Variants in ZBBX observed in about 807,000 individuals in gnomAD.
ZBBX encodes the protein zinc finger B-box domain-containing protein 1.
Under a neutral mutation model 108.5 loss-of-function variants are expected in ZBBX, and 101 were observed. The observed-to-expected ratio is 0.93, with a 90% CI of 0.79 to 1.10. The LOEUF is 1.10. Ranked by LOEUF, ZBBX falls within the 50% of genes least tolerant of loss-of-function variation. The pLI is 0.00. For synonymous variants in ZBBX, 356 were observed against 323.4 expected (o/e 1.10, Z -1.08); for missense variants, 1,009 against 941.4 (o/e 1.07, Z -0.94).
intron 8 of ZBBX, among the ~76,000 whole-genome samples, chr3:167,356,237 A>G (rs1743550955): frequency 6.6e-6 from 1 of 152,110 alleles, no homozygotes; most frequent in Non-Finnish European, 1.5e-5. Flanking sequence ...ATTTTTACAA[A>G]TTTCTGGACA....
chr3:167,401,222 T>TA (rs1351222184), intron 1 of ZBBX: 2 of 152,168 alleles, frequency 1.3e-5, no homozygotes, highest in Non-Finnish European at 2.9e-5. Flanking sequence ...AGAATTTTAA[T>TA]AAAAAACTTC....
intron 20 of ZBBX, among the ~76,000 whole-genome samples, chr3:167,280,243 C>T (rs1728532647): frequency 6.7e-6 from 1 of 149,924 alleles, no homozygotes; most frequent in South Asian, 2.1e-4. Context: ...CCAAAATTGA[C>T]AAACGGGATC....
At chr3:167,319,108 A>T (rs1735956352) in intron 12 of ZBBX, among the ~76,000 whole-genome samples, 2 of 151,986 alleles carry the variant, frequency 1.3e-5, no homozygotes, top group South Asian at 4.1e-4. Context: ...CCAGGTATTT[A>T]CCCAGGGAAT....
rs1405856410 is a variant in ZBBX at position 167,322,204 on chromosome 3, A to G, written c.896T>C (p.Leu299Pro). 3 of 1,481,926 alleles carry G rather than the reference A, an allele frequency of 2.0e-6. No homozygotes were observed. The Admixed American group carries it at 6.6e-5, about 33-fold the overall frequency. The allele number at this position is 1,481,926 out of a possible 1,614,324, so 91.8% of individuals were successfully genotyped here. ...ATTAAGTGGTTCTCTCCAAATTTTC[A>G]GATTAGTCTGTACTTCGCATTCTTC... ...SLEECEVQTN[L>P]KIWREPLNIE... The change falls in exon 12 of 22, where the codon CTG becomes CCG. Residue 299 changes from leucine to proline, a missense_variant. Transcript: ENST00000675490.
At chr3:167,388,389 C>T (rs925653292) in intron 1 of ZBBX, among the ~76,000 whole-genome samples, 5 of 151,796 alleles carry the variant, frequency 3.3e-5, no homozygotes, top group African/African-American at 1.2e-4. Flanking sequence ...TACGAACAGG[C>T]TTTAAACAGA....
chr3:167,370,264 T>C (rs1018922438), intron 4 of ZBBX, among the ~76,000 whole-genome samples: 6 of 152,014 alleles, frequency 3.9e-5, no homozygotes, highest in African/African-American at 1.4e-4. Context: ...TTTAAGAAGA[T>C]ATAATTAACA....
intron 20 of ZBBX, among the ~76,000 whole-genome samples, chr3:167,270,426 G>A (rs1452008753): frequency 6.6e-6 from 1 of 152,198 alleles, no homozygotes; most frequent in African/African-American, 2.4e-5. Flanking sequence ...GACTTCTGAG[G>A]AAGTCAACCA....
At chr3:167,377,531 T>C (rs1747154249) in intron 2 of ZBBX, among the ~76,000 whole-genome samples, 1 of 152,180 alleles carries the variant, frequency 6.6e-6, no homozygotes, top group Non-Finnish European at 1.5e-5. Flanking sequence ...TGAATTAACA[T>C]GTTTAGGCAT....
intron 16 of ZBBX, among the ~76,000 whole-genome samples, chr3:167,313,046 G>A (rs989891403): frequency 6.6e-6 from 1 of 152,038 alleles, no homozygotes; most frequent in African/African-American, 2.4e-5. Context: ...TTTTTGCTTA[G>A]GAAAATGAAG....
chr3:167,251,623 T>C (rs1722621202), intron 20 of ZBBX, among the ~76,000 whole-genome samples: 1 of 152,184 alleles, frequency 6.6e-6, no homozygotes, highest in South Asian at 2.1e-4. Context: ...GAGGACTTAC[T>C]ATGTGCTAGG....
At position 167,359,912 on chromosome 3, in the gene ZBBX, AT is replaced by A; in HGVS notation, c.389del (p.Asn130MetfsTer38). Reference protein sequence around the residue: ...NSSECEKPKINGKVCGQCENK... With the variant: ...NSSECEKPKIXGKVCGQCENK... ...TCTCACACTGTCCACATACTTTCCC[AT>A]TTATCTTGGGTTTTTCACATTCTGA... On this transcript the variant is annotated frameshift_variant, in exon 8 of 22. Transcript: ENST00000675490. LOFTEE classifies it high-confidence loss of function. 1 of 1,574,732 alleles carries A rather than the reference AT, an allele frequency of 6.4e-7. No individual in the cohort carries two copies. The highest frequency in any genetic ancestry group is 1.4e-5 in the African/African-American group (1 of 73,404).
intron 9 of ZBBX, among the ~76,000 whole-genome samples, chr3:167,341,398 A>C (rs1408901753): frequency 6.6e-6 from 1 of 151,932 alleles, no homozygotes; most frequent in East Asian, 1.9e-4. Flanking sequence ...AAAACACATC[A>C]AATCCAGTTA....
intron 19 of ZBBX, among the ~76,000 whole-genome samples, chr3:167,288,411 A>G (rs1381135705): frequency 1.3e-5 from 2 of 152,198 alleles, no homozygotes; most frequent in Non-Finnish European, 2.9e-5. Context: ...AATTATATTT[A>G]GAACTAAGCT....
At chr3:167,322,301 C>T (rs1736580149) in intron 11 of ZBBX, 64 bp from the exon 12 acceptor site, 1 of 1,325,982 alleles carries the variant, frequency 7.5e-7, no homozygotes, top group Non-Finnish European at 9.9e-7. Flanking sequence ...TATATCTTCT[C>T]TTAAGATGTA....
chr3:167,315,693 G>T, intron 15 of ZBBX, 57 bp downstream of exon 15: 1 of 1,152,558 alleles, frequency 8.7e-7, no homozygotes, highest in East Asian at 2.4e-5. Flanking sequence ...AGATGATTTT[G>T]TGTGTGTGTC....
chr3:167,396,242 C>T (rs1424526057), intron 1 of ZBBX, among the ~76,000 whole-genome samples: 1 of 151,990 alleles, frequency 6.6e-6, no homozygotes, highest in Non-Finnish European at 1.5e-5. Context: ...TTCCCTGGCT[C>T]TGTGTCAGCT....
intron 20 of ZBBX, among the ~76,000 whole-genome samples, chr3:167,271,834 A>G (rs932676115): frequency 6.6e-6 from 1 of 152,180 alleles, no homozygotes; most frequent in Admixed American, 6.5e-5. Context: ...ATAGTAGATC[A>G]CCTCACTCAC....
the ZBBX span, among the ~76,000 whole-genome samples, chr3:167,204,903 C>CA: frequency 7.1e-6 from 1 of 141,598 alleles, no homozygotes. Context: ...GGAACTCAGA[C>CA]CAAAAAAAAA....
At chr3:167,327,633 C>T (rs899580840) in intron 11 of ZBBX, among the ~76,000 whole-genome samples, 4 of 152,102 alleles carry the variant, frequency 2.6e-5, no homozygotes, top group Non-Finnish European at 2.9e-5. Flanking sequence ...AAAAACCATA[C>T]GGGCTGGGCA....
Sources: gnomAD v4.1 joint callset for allele counts (sites outside exome capture counted in the v4.1 genomes callset) on GRCh38, gnomAD v4.1.1 for gene constraint, MANE v1.5 for transcripts, NCBI Gene and HGNC (gene_info 2026-07-23, HGNC 2026-07-21) for gene names.